Variants in SLC7A7 observed in about 807,000 individuals in gnomAD.
SLC7A7 encodes the protein solute carrier family 7 member 7.
Under a neutral mutation model 47.9 loss-of-function variants are expected in SLC7A7, and 39 were observed. That is an observed-to-expected ratio of 0.81 (90% CI 0.63 to 1.06). The LOEUF (loss-of-function observed/expected upper bound fraction) is 1.06. Ranked by LOEUF, SLC7A7 falls within the 50% of genes least tolerant of loss-of-function variation. The pLI is 0.00. For missense variants in SLC7A7, 588 were observed against 632.0 expected (o/e 0.93, Z 0.75); for synonymous variants, 234 against 242.8 (o/e 0.96, Z 0.34).
chr14:22,802,426 A>C (rs1166173175), intron 2 of SLC7A7, among the ~76,000 whole-genome samples: 4 of 101,470 alleles, frequency 3.9e-5, no homozygotes, highest in Non-Finnish European at 7.2e-5. Flanking sequence ...CAACAACCAA[A>C]CAAACAAACA....
intron 2 of SLC7A7, among the ~76,000 whole-genome samples, chr14:22,796,328 C>T (rs954894252): frequency 2.0e-5 from 3 of 152,182 alleles, no homozygotes; most frequent in African/African-American, 4.8e-5. Flanking sequence ...AAGTCCTTCA[C>T]AGCCCACAGC....
At chr14:22,797,442 G>A (rs529951056) in intron 2 of SLC7A7, among the ~76,000 whole-genome samples, 1 of 152,226 alleles carries the variant, frequency 6.6e-6, no homozygotes, top group East Asian at 1.9e-4. Context: ...AGCTTATATT[G>A]AGTACCCACT....
At chr14:22,802,404 A>AAAC (rs748204303) in intron 2 of SLC7A7, among the ~76,000 whole-genome samples, 29 of 145,792 alleles carry the variant, frequency 2.0e-4, no homozygotes, top group Non-Finnish European at 3.0e-4. Context: ...CTCTGTCTCA[A>AAAC]AACAACAACA....
chr14:22,775,954 AAG>A lies in SLC7A7; in HGVS notation c.895-20_895-19del, dbSNP rs2038596079. On this transcript the variant is annotated intron_variant, in intron 5 of 9. Transcript: ENST00000674313. ...GCAAAAGTCTAAGGGAAAAGAATGGAAGAGTCATTAGCAGGATCTAAAAGGGA... is the reference window on the plus strand; with the variant it reads ...GCAAAAGTCTAAGGGAAAAGAATGGAAGTCATTAGCAGGATCTAAAAGGGA... 1.3e-6 allele frequency: 2 copies of A among 1,587,136 alleles called. No homozygotes were observed. The highest frequency in any genetic ancestry group is 1.7e-6 in the Non-Finnish European group (2 of 1,155,290).
chr14:22,815,351 G>A lies in SLC7A7; in HGVS notation c.-74C>T, dbSNP rs775770555. The A allele has an allele frequency of 3.1e-5, 14 of 454,430 alleles. No individual in the cohort carries two copies. The highest frequency in any genetic ancestry group is 1.1e-4 in the South Asian group (7 of 64,476). The allele number at this position is 454,430 out of a possible 1,614,324, so 28.1% of individuals were successfully genotyped here. A position where few individuals can be genotyped will look rare whatever the true frequency, so the allele number is the denominator to read the frequency against. ...GTCCTGGATATAAGCAGGTTCTCAC[G>A]GCAGTGTGAGCAGCAGTCAGGGAGA... On this transcript the variant is annotated 5_prime_UTR_variant, in exon 1 of 10. Coordinates refer to ENST00000674313, the MANE Select transcript of SLC7A7 (RefSeq NM_003982.4).
chr14:22,818,608 GT>G (rs35509044), upstream of SLC7A7, among the ~76,000 whole-genome samples: 2 of 140,592 alleles, frequency 1.4e-5, no homozygotes, highest in Admixed American at 1.4e-4. Flanking sequence ...TGGTTTTTGG[GT>G]TTTTTTTACC....
intron 7 of SLC7A7, among the ~76,000 whole-genome samples, chr14:22,775,113 A>G (rs537887491): frequency 6.9e-6 from 1 of 145,548 alleles, no homozygotes; most frequent in East Asian, 2.1e-4. Context: ...ACACTTCTAG[A>G]TGTAATTCTT....
rs1490713694 is a variant in SLC7A7, at chr14:22,775,483, A to G, written c.1056T>C (p.His352=). Residue 352 remains histidine, a synonymous_variant, in exon 7 of 10, where the codon CAT becomes CAC. Coordinates refer to ENST00000674313, the MANE Select transcript of SLC7A7 (RefSeq NM_003982.4). ...AAGGCACTGGTGTGAACCGCTCAAC[A>G]TGGATCATGCAGATGGCATCAGGGA... ...GHLPDAICMI[H]VERFTPVPSL... is the part of the protein sequence containing the mutation. 1 of 1,614,196 alleles carries G rather than the reference A, an allele frequency of 6.2e-7. No homozygotes were observed. Among genetic ancestry groups the G allele is most frequent in the Non-Finnish European group, 8.5e-7 (1 of 1,180,036 alleles).
At chr14:22,799,937 G>A (rs1473232920) in intron 2 of SLC7A7, among the ~76,000 whole-genome samples, 1 of 152,074 alleles carries the variant, frequency 6.6e-6, no homozygotes, top group African/African-American at 2.4e-5. Flanking sequence ...TGCACCTTCG[G>A]TGTTCCCCAT....
intron 2 of SLC7A7, among the ~76,000 whole-genome samples, chr14:22,783,364 G>A (rs1226860019): frequency 6.6e-6 from 1 of 151,612 alleles, no homozygotes; most frequent in Non-Finnish European, 1.5e-5. Flanking sequence ...TGGCACCTGG[G>A]TGGCTTGTTT....
intron 2 of SLC7A7, among the ~76,000 whole-genome samples, chr14:22,786,937 A>G (rs537481386): frequency 6.6e-5 from 10 of 152,322 alleles, no homozygotes; most frequent in African/African-American, 2.4e-4. Flanking sequence ...TCCTTTCTCC[A>G]AAACAAAAAA....
chr14:22,784,402 G>T (rs1001989274), intron 2 of SLC7A7, among the ~76,000 whole-genome samples: 1 of 152,060 alleles, frequency 6.6e-6, no homozygotes, highest in Non-Finnish European at 1.5e-5. Flanking sequence ...GACAGATCAC[G>T]AGGTCAAGAG....
intron 2 of SLC7A7, among the ~76,000 whole-genome samples, chr14:22,786,317 A>AATAC (rs2038816755): frequency 6.6e-6 from 1 of 151,454 alleles, no homozygotes; most frequent in Non-Finnish European, 1.5e-5. Flanking sequence ...ACTCCATCTA[A>AATAC]AAACAAACAA....
chr14:22,805,386 C>G (rs1157927662), intron 2 of SLC7A7, among the ~76,000 whole-genome samples: 1 of 151,916 alleles, frequency 6.6e-6, no homozygotes, highest in Non-Finnish European at 1.5e-5. Context: ...AAAGGTACGG[C>G]AAGTAAGAAA....
In SLC7A7 at chr14:22,794,346, C is replaced by T. The variant is rs1292029406; in HGVS notation, c.500-14295G>A. 2.0e-5 allele frequency among the ~76,000 whole-genome samples: 3 copies of T among 152,200 alleles called. No individual in the cohort carries two copies. In the South Asian group the frequency reaches 6.2e-4, roughly 32 times the overall value. The stretch of plus-strand genomic sequence containing the variant: ...AGTCCTCCCGCTCTCCTTCCTGGAA[C>T]TCAGTCAGCACTTTGGTCCCTGTGG... On this transcript the variant is annotated intron_variant, in intron 2 of 9. Transcript: ENST00000674313.
At chr14:22,818,343 C>T (rs2138675740), upstream of SLC7A7, among the ~76,000 whole-genome samples, 1 of 152,174 alleles carries the variant, frequency 6.6e-6, no homozygotes, top group South Asian at 2.1e-4. Flanking sequence ...TTCAGTCTGC[C>T]CGTGCGCACT....
At chr14:22,800,837 G>A (rs2039100186) in intron 2 of SLC7A7, among the ~76,000 whole-genome samples, 1 of 152,084 alleles carries the variant, frequency 6.6e-6, no homozygotes, top group Non-Finnish European at 1.5e-5. Flanking sequence ...TACTCAGGAG[G>A]CTGAGGAAGG....
intron 2 of SLC7A7, among the ~76,000 whole-genome samples, chr14:22,802,661 G>A (rs1319641020): frequency 2.6e-5 from 4 of 152,036 alleles, no homozygotes; most frequent in Non-Finnish European, 4.4e-5. Flanking sequence ...TGCCATCACC[G>A]TAGTTCAGGT....
chr14:22,779,052 A>G, intron 3 of SLC7A7, 115 bp from the exon 4 acceptor site: 1 of 1,323,972 alleles, frequency 7.6e-7, no homozygotes, highest in Non-Finnish European at 1.1e-6. Context: ...AGTGGCCTAC[A>G]ACACCTTTGG....
Sources: allele counts gnomAD v4.1 joint callset (sites outside exome capture counted in the v4.1 genomes callset), GRCh38; gene constraint gnomAD v4.1.1; transcripts MANE v1.5; gene names NCBI Gene and HGNC (gene_info 2026-07-23, HGNC 2026-07-21).